The following PCDH15 variants were observed in gnomAD, a reference collection of about 807,000 sequenced individuals.
PCDH15 encodes the protein protocadherin-15.
A neutral mutation model predicts 178.5 loss-of-function variants in PCDH15; 129 were observed. The observed-to-expected ratio is 0.72, with a 90% CI of 0.63 to 0.84. PCDH15 has a LOEUF of 0.84. Ranked by LOEUF, PCDH15 falls within the 40% of genes least tolerant of loss-of-function variation. PCDH15 has a pLI of 0.00. For synonymous variants in PCDH15, 800 were observed against 732.0 expected (o/e 1.09, Z -1.50); for missense variants, 2,230 against 2,099.9 (o/e 1.06, Z -1.21).
intron 2 of PCDH15, among the ~76,000 whole-genome samples, chr10:54,620,567 A>C (rs1448098467): frequency 6.6e-6 from 1 of 152,082 alleles, no homozygotes; most frequent in Non-Finnish European, 1.5e-5. Flanking sequence ...GCATCAGCAC[A>C]TTTAAACCAC....
At chr10:55,116,163 A>G (rs1394819562) in intron 2 of PCDH15, among the ~76,000 whole-genome samples, 1 of 152,194 alleles carries the variant, frequency 6.6e-6, no homozygotes, top group Admixed American at 6.5e-5. Context: ...AAGATTGTTT[A>G]TGAGCCAATC....
intron 17 of PCDH15, among the ~76,000 whole-genome samples, chr10:54,070,879 G>A (rs552807397): frequency 6.3e-4 from 96 of 152,068 alleles, no homozygotes; most frequent in African/African-American, 1.4e-3. Context: ...GGTCTGAGCC[G>A]CGATATCCAG....
intron 6 of PCDH15, among the ~76,000 whole-genome samples, chr10:54,338,285 T>C (rs1455156679): frequency 2.0e-5 from 3 of 151,822 alleles, no homozygotes; most frequent in Admixed American, 1.3e-4. Flanking sequence ...CATGGAAATC[T>C]CATGATATAA....
rs139588866 is a variant in PCDH15, at chr10:55,153,176, A to C, written c.-80+13400T>G. 1.6e-3 allele frequency among the ~76,000 whole-genome samples: 240 copies of C among 152,260 alleles called. 2 individuals carry two copies. The highest frequency in any genetic ancestry group is 2.4e-3 in the Non-Finnish European group (164 of 68,022). Reference sequence around the variant, plus strand: ...CCACACCTATGACTTCCATAAGTGAAATGTCTTTATCAGTGAAAACAAAAC... The same window carrying C: ...CCACACCTATGACTTCCATAAGTGACATGTCTTTATCAGTGAAAACAAAAC... On this transcript the variant is annotated intron_variant, in intron 2 of 5. Coordinates refer to the PCDH15 transcript ENST00000458638.
intron 1 of PCDH15, among the ~76,000 whole-genome samples, chr10:54,698,505 G>A (rs1385342087): frequency 3.3e-5 from 5 of 152,102 alleles, no homozygotes; most frequent in African/African-American, 1.2e-4. Flanking sequence ...TATCAGCCAG[G>A]GGAAATGGAA....
chr10:55,525,186 G>A (rs912635672), intron 2 of PCDH15, among the ~76,000 whole-genome samples: 1 of 151,830 alleles, frequency 6.6e-6, no homozygotes, highest in Non-Finnish European at 1.5e-5. Context: ...ATAGGCAAGA[G>A]TAACAGATTT....
chr10:54,344,926 A>C (rs1440379392), intron 6 of PCDH15, among the ~76,000 whole-genome samples: 2 of 138,180 alleles, frequency 1.4e-5, no homozygotes, highest in South Asian at 4.5e-4. Context: ...AAAAAAAAAA[A>C]CAAGACTCTA....
intron 3 of PCDH15, among the ~76,000 whole-genome samples, chr10:54,504,646 G>A (rs528408957): frequency 1.3e-5 from 2 of 152,260 alleles, no homozygotes; most frequent in African/African-American, 4.8e-5. Flanking sequence ...GACCCTAAGA[G>A]TAAGGACCAA....
At chr10:55,332,893 C>T (rs1228989281) in intron 2 of PCDH15, among the ~76,000 whole-genome samples, 1 of 152,118 alleles carries the variant, frequency 6.6e-6, no homozygotes. Flanking sequence ...ATAAATTACC[C>T]TGAGTCAGGT....
At chr10:54,112,327 C>A (rs757412525) in intron 15 of PCDH15, among the ~76,000 whole-genome samples, 26 of 151,842 alleles carry the variant, frequency 1.7e-4, no homozygotes, top group Non-Finnish European at 3.2e-4. Context: ...GACCTCTATC[C>A]CTTAGTTGTC....
chr10:54,513,198 C>A (rs557190457), intron 3 of PCDH15, among the ~76,000 whole-genome samples: 10 of 151,072 alleles, frequency 6.6e-5, no homozygotes, highest in South Asian at 4.2e-4. Context: ...TGTTAGATTT[C>A]TTTTTCTTTG....
rs536708158 is a variant in PCDH15, at chr10:55,570,838, A to G, written c.-156+56787T>C. ...TATCACTACTTCCTTATTAGCTGTT[A>G]TACACTATTTCTTCTTTCAAGTGTT... On this transcript the variant is annotated intron_variant, in intron 2 of 5. Transcript: ENST00000613346. Among the ~76,000 whole-genome samples the G allele has an allele frequency of 2.6e-5, 4 of 152,182 alleles. No individual in the cohort carries two copies. In the South Asian group the frequency reaches 8.3e-4, roughly 32 times the overall value.
At chr10:55,623,928 G>C (rs375382829) in intron 2 of PCDH15, among the ~76,000 whole-genome samples, 52 of 152,166 alleles carry the variant, frequency 3.4e-4, no homozygotes, top group African/African-American at 1.1e-3. Context: ...CACAATAGTG[G>C]CATCCTGTGG....
At chr10:54,369,386 A>C (rs769710493) in intron 4 of PCDH15, 111 bp from the exon 5 acceptor site, 205 of 941,486 alleles carry the variant, frequency 2.2e-4, no homozygotes, top group Non-Finnish European at 3.2e-4. Context: ...TTATTTTTAA[A>C]TTATAATAAT....
At chr10:53,843,401 A>G (rs2077778256) in intron 28 of PCDH15, among the ~76,000 whole-genome samples, 1 of 149,502 alleles carries the variant, frequency 6.7e-6, no homozygotes, top group Non-Finnish European at 1.5e-5. Flanking sequence ...ATTTCCTCAC[A>G]TATATACATA....
chr10:54,423,076 A>G (rs1349631420), intron 3 of PCDH15, among the ~76,000 whole-genome samples: 1 of 151,970 alleles, frequency 6.6e-6, no homozygotes, highest in Non-Finnish European at 1.5e-5. Flanking sequence ...TTACTCCTCA[A>G]ATTTATGGTG....
intron 2 of PCDH15, among the ~76,000 whole-genome samples, chr10:55,027,794 G>A (rs995216331): frequency 4.6e-5 from 7 of 151,644 alleles, no homozygotes; most frequent in Admixed American, 1.3e-4. Context: ...ACCATAGCAC[G>A]TGTATCATCC....
chr10:55,387,615 C>T (rs991862186), intron 2 of PCDH15, among the ~76,000 whole-genome samples: 5 of 152,072 alleles, frequency 3.3e-5, no homozygotes, highest in African/African-American at 9.7e-5. Context: ...CACACCTATA[C>T]CTCTCTTGTT....
At chr10:54,163,590 C>T (rs1182889812) in intron 13 of PCDH15, among the ~76,000 whole-genome samples, 2 of 152,058 alleles carry the variant, frequency 1.3e-5, no homozygotes, top group Admixed American at 6.6e-5. Flanking sequence ...GGTGGGGACA[C>T]AGAGCCAAAC....
Sources: gnomAD v4.1 joint callset for allele counts (sites outside exome capture counted in the v4.1 genomes callset) on GRCh38, gnomAD v4.1.1 for gene constraint, MANE v1.5 for transcripts, NCBI Gene and HGNC (gene_info 2026-07-23, HGNC 2026-07-21) for gene names.